Variants in EIPR1 observed in about 807,000 individuals in gnomAD.
EIPR1 encodes EARP and GARP complex-interacting protein 1.
Under a neutral mutation model 48.1 loss-of-function variants are expected in EIPR1, and 25 were observed. The ratio of observed to expected loss-of-function variants is 0.52; its 90% confidence interval spans 0.38 to 0.73. The LOEUF (loss-of-function observed/expected upper bound fraction) is 0.73. Among genes scored for constraint, EIPR1 ranks in the 30% least tolerant of loss-of-function variants. The pLI, the probability that EIPR1 is intolerant of heterozygous loss-of-function variation, is 0.00. For missense variants in EIPR1, 415 were observed against 506.2 expected, an observed-to-expected ratio of 0.82 and a Z score of 1.73; for synonymous variants, 204 against 201.9, an observed-to-expected ratio of 1.01 and a Z score of -0.09.
At chr2:3,270,239 C>T (rs1338457833) in intron 3 of EIPR1, among the ~76,000 whole-genome samples, 1 of 152,248 alleles carries the variant, frequency 6.6e-6, no homozygotes, top group African/African-American at 2.4e-5. Flanking sequence ...TCTGTGCCCA[C>T]ACGGGTGCTC....
chr2:3,192,275 C>T, intron 8 of EIPR1, 139 bp downstream of exon 8: 4 of 1,076,456 alleles, frequency 3.7e-6, no homozygotes, highest in Non-Finnish European at 5.0e-6. Context: ...TGTGAGTCCC[C>T]ACAGCTGCAG....
intron 4 of EIPR1, among the ~76,000 whole-genome samples, chr2:3,235,574 G>A (rs903294748): frequency 3.3e-5 from 5 of 152,204 alleles, no homozygotes; most frequent in Admixed American, 2.0e-4. Flanking sequence ...CAAAGCACCC[G>A]ACAAGCGTGG....
At chr2:3,208,982 C>A (rs1665341983) in intron 5 of EIPR1, 1 of 1,465,450 alleles carries the variant, frequency 6.8e-7, no homozygotes, top group South Asian at 1.4e-5. Context: ...GAAGAGCTCT[C>A]ATATTATCAA....
chr2:3,202,733 G>A (rs1246032813), intron 5 of EIPR1, among the ~76,000 whole-genome samples: 5 of 152,280 alleles, frequency 3.3e-5, no homozygotes, highest in East Asian at 1.9e-4. Flanking sequence ...TTCTAACTCC[G>A]TAAGTGCTCC....
chr2:3,295,205 C>T (rs1177360791), intron 3 of EIPR1, among the ~76,000 whole-genome samples: 2 of 148,680 alleles, frequency 1.3e-5, no homozygotes, highest in African/African-American at 2.5e-5. Context: ...TACACACACA[C>T]ACCCTCCATC....
At chr2:3,318,146 G>A (rs1443550951) in intron 3 of EIPR1, among the ~76,000 whole-genome samples, 1 of 152,244 alleles carries the variant, frequency 6.6e-6, no homozygotes, top group Non-Finnish European at 1.5e-5. Flanking sequence ...AACGGCTGTG[G>A]GCCAAGGGCA....
At chr2:3,269,726 C>T (rs1322225598) in intron 3 of EIPR1, among the ~76,000 whole-genome samples, 1 of 152,116 alleles carries the variant, frequency 6.6e-6, no homozygotes, top group African/African-American at 2.4e-5. Context: ...TCAATCATCA[C>T]ACTCAATCAT....
At chr2:3,274,613 A>G (rs1208018991) in intron 3 of EIPR1, among the ~76,000 whole-genome samples, 1 of 152,188 alleles carries the variant, frequency 6.6e-6, no homozygotes, top group Non-Finnish European at 1.5e-5. Context: ...AAGTGATCCC[A>G]GAAGAAAGGT....
chr2:3,358,682 G>A (rs1670788955), intron 1 of EIPR1, among the ~76,000 whole-genome samples: 1 of 152,168 alleles, frequency 6.6e-6, no homozygotes, highest in African/African-American at 2.4e-5. Flanking sequence ...AGCCTCTGAC[G>A]CTATCCAATT....
chr2:3,352,839 A>G (rs531821268), intron 2 of EIPR1, among the ~76,000 whole-genome samples: 1 of 152,362 alleles, frequency 6.6e-6, no homozygotes, highest in Non-Finnish European at 1.5e-5. Context: ...TCTACTAAAA[A>G]TACAAAAATT....
Position 3,377,631 on chromosome 2 carries a change from C to T in EIPR1, c.42+17G>A, listed in dbSNP as rs1659942881. 2 of 1,566,868 alleles carry T rather than the reference C, an allele frequency of 1.3e-6. No homozygotes were observed. The highest frequency in any genetic ancestry group is 2.4e-5 in the East Asian group (1 of 41,910). ...CAGCCAGGCCGAGCAGCACCTGCCGCCCTCCCAGTGACCCACCTGGAACTC... is the reference window on the plus strand; with the variant it reads ...CAGCCAGGCCGAGCAGCACCTGCCGTCCTCCCAGTGACCCACCTGGAACTC... On this transcript the variant is annotated intron_variant, in intron 1 of 8. Transcript: ENST00000382125.
chr2:3,295,289 CG>C (rs1237080341), intron 3 of EIPR1, among the ~76,000 whole-genome samples: 7 of 131,858 alleles, frequency 5.3e-5, no homozygotes, highest in African/African-American at 8.6e-5. Flanking sequence ...CCATCCAGCC[CG>C]TCCTCTCTCC....
At chr2:3,294,946 A>G (rs1396950626) in intron 3 of EIPR1, among the ~76,000 whole-genome samples, 138 of 6,234 alleles carry the variant, frequency 0.022, 10 homozygotes, top group Middle Eastern at 0.5. Context: ...CATCCTCTCT[A>G]CACACACACA....
intron 4 of EIPR1, among the ~76,000 whole-genome samples, chr2:3,254,838 T>A (rs1287998062): frequency 6.6e-6 from 1 of 152,214 alleles, no homozygotes; most frequent in African/African-American, 2.4e-5. Flanking sequence ...ATGTCAATGT[T>A]CACACACGAA....
At chr2:3,358,433 G>A (rs1012234237) in intron 1 of EIPR1, among the ~76,000 whole-genome samples, 34 of 152,152 alleles carry the variant, frequency 2.2e-4, no homozygotes, top group African/African-American at 7.2e-4. Context: ...CAATAAAACC[G>A]AGAATACACA....
chr2:3,337,362 T>C (rs1170761866), intron 3 of EIPR1, among the ~76,000 whole-genome samples: 1 of 152,204 alleles, frequency 6.6e-6, no homozygotes, highest in African/African-American at 2.4e-5. Flanking sequence ...TTAGAAACTA[T>C]ATATCAAAAA....
chr2:3,202,076 T>C (rs1483358755), intron 5 of EIPR1, among the ~76,000 whole-genome samples: 2 of 151,996 alleles, frequency 1.3e-5, no homozygotes, highest in Middle Eastern at 3.4e-3. Flanking sequence ...TAGCTGGGAC[T>C]ACAGGCGCCC....
chr2:3,368,763 A>G (rs369290356), intron 1 of EIPR1, among the ~76,000 whole-genome samples: 6 of 152,390 alleles, frequency 3.9e-5, no homozygotes, highest in African/African-American at 1.4e-4. Flanking sequence ...TCTACTGAGC[A>G]GTAAACTAAA....
At chr2:3,227,814 T>C (rs1006212595) in intron 4 of EIPR1, among the ~76,000 whole-genome samples, 33 of 152,250 alleles carry the variant, frequency 2.2e-4, no homozygotes, top group Non-Finnish European at 2.5e-4. Flanking sequence ...GGCCAAGGTA[T>C]AGCTCAGGCC....
Sources: allele counts gnomAD v4.1 joint callset (sites outside exome capture counted in the v4.1 genomes callset), GRCh38; gene constraint gnomAD v4.1.1; transcripts MANE v1.5; gene names NCBI Gene and HGNC (gene_info 2026-07-23, HGNC 2026-07-21).